Variants in KCNK2 observed in about 807,000 individuals in gnomAD.
KCNK2 encodes the protein potassium channel subfamily K member 2.
A neutral mutation model predicts 40.5 loss-of-function variants in KCNK2; 21 were observed. The ratio of observed to expected loss-of-function variants is 0.52; its 90% CI spans 0.37 to 0.75. The LOEUF (loss-of-function observed/expected upper bound fraction) is 0.75, where lower values mean the gene tolerates loss of function less well. Ranked by LOEUF, KCNK2 falls within the 30% of genes least tolerant of loss-of-function variation. The probability of loss-of-function intolerance (pLI) is 0.00; values close to 1 mark genes in which losing one functional copy is unlikely to be tolerated. For synonymous variants in KCNK2, 191 were observed against 202.2 expected (o/e 0.94, Z 0.47); for missense variants, 399 against 531.6 (o/e 0.75, Z 2.45).
rs896207183 is a variant in KCNK2 at position 215,236,151 on chromosome 1, A to G, written c.*1006A>G. The G allele has an allele frequency of 6.6e-6, 1 of 152,402 alleles. No individual in the cohort carries two copies. The highest frequency in any genetic ancestry group is 6.6e-5 in the Admixed American group (1 of 15,264). The allele number at this position is 152,402 out of a possible 1,614,324, so 9.4% of individuals were successfully genotyped here. On this transcript the variant is annotated 3_prime_UTR_variant, in exon 7 of 7. Coordinates refer to ENST00000444842, the MANE Select transcript of KCNK2 (RefSeq NM_001017425.3). ...AAATGGATATTATTGGAGGGGATTTAAAACAGTGGGTGTGAATTATCATTC... is the reference window on the plus strand; with the variant it reads ...AAATGGATATTATTGGAGGGGATTTGAAACAGTGGGTGTGAATTATCATTC...
At chr1:215,210,017 TA>T (rs1447680339) in intron 6 of KCNK2, among the ~76,000 whole-genome samples, 20 of 28,680 alleles carry the variant, frequency 7.0e-4, no homozygotes, top group East Asian at 4.2e-3. Context: ...ATATAATATA[TA>T]ATATATATTA....
chr1:215,202,621 A>G (rs148336352), intron 6 of KCNK2, among the ~76,000 whole-genome samples: 5 of 152,308 alleles, frequency 3.3e-5, no homozygotes, highest in African/African-American at 1.2e-4. Context: ...GGAAGGCCTT[A>G]ATAAGTCAAA....
intron 6 of KCNK2, among the ~76,000 whole-genome samples, chr1:215,225,946 A>C (rs1274644338): frequency 6.6e-6 from 1 of 152,208 alleles, no homozygotes; most frequent in Non-Finnish European, 1.5e-5. Flanking sequence ...AAATGAGCTT[A>C]CTGTAAATTT....
chr1:215,107,211 T>C (rs1660473008), intron 2 of KCNK2, among the ~76,000 whole-genome samples: 1 of 151,990 alleles, frequency 6.6e-6, no homozygotes, highest in Non-Finnish European at 1.5e-5. Context: ...ATTATTTCAA[T>C]CTATGAGCAT....
intron 3 of KCNK2, among the ~76,000 whole-genome samples, chr1:215,164,150 C>T (rs1261367620): frequency 6.6e-6 from 1 of 152,068 alleles, no homozygotes; most frequent in Non-Finnish European, 1.5e-5. Context: ...AGTCTTGGGA[C>T]AGTGTCTGTG....
intron 5 of KCNK2, among the ~76,000 whole-genome samples, chr1:215,181,648 T>C (rs774044608): frequency 1.3e-5 from 2 of 152,218 alleles, no homozygotes; most frequent in Non-Finnish European, 2.9e-5. Context: ...TTTGCTGCTA[T>C]AGCCCTATGT....
At position 215,082,924 on chromosome 1, in the gene KCNK2, G is replaced by T. The variant is rs1000848653; in HGVS notation, c.-462G>T. ...CGCGCACAAAGACGCCGGGGCGCACGGCAGCTGGGGCTGCACCCACCGCCC... is the reference window on the plus strand; with the variant it reads ...CGCGCACAAAGACGCCGGGGCGCACTGCAGCTGGGGCTGCACCCACCGCCC... On this transcript the variant is annotated 5_prime_UTR_variant, in exon 1 of 7. Transcript: ENST00000444842. 1.0e-4 allele frequency among the ~76,000 whole-genome samples: 15 copies of T among 150,648 alleles called. No individual in the cohort carries two copies. Among genetic ancestry groups the T allele is most frequent in the African/African-American group, 3.1e-4 (13 of 41,304 alleles).
intron 1 of KCNK2, among the ~76,000 whole-genome samples, chr1:215,077,280 G>T (rs181904427): frequency 6.6e-6 from 1 of 152,288 alleles, no homozygotes; most frequent in East Asian, 1.9e-4. Flanking sequence ...TTTCATCGAA[G>T]TACTGCCTAA....
chr1:215,141,026 A>T lies in KCNK2; in HGVS notation c.475+16276A>T, dbSNP rs114360984. 7.3e-3 allele frequency among the ~76,000 whole-genome samples: 1,099 copies of T among 150,530 alleles called. 5 individuals carry two copies. The highest frequency in any genetic ancestry group is 0.011 in the Non-Finnish European group (770 of 67,428). ...TTTTCAATATTTTTGTTAAAAGCCA[A>T]GACACAAACACACACACTAGCCTAG... On this transcript the variant is annotated intron_variant, in intron 3 of 6. Transcript: ENST00000444842.
chr1:215,152,318 T>C (rs1293276778), intron 3 of KCNK2, among the ~76,000 whole-genome samples: 2 of 152,106 alleles, frequency 1.3e-5, no homozygotes, highest in Non-Finnish European at 2.9e-5. Flanking sequence ...GCACCACAAC[T>C]GATAGTAGAG....
intron 1 of KCNK2, among the ~76,000 whole-genome samples, chr1:215,026,806 G>A (rs1348173048): frequency 6.6e-6 from 1 of 152,024 alleles, no homozygotes; most frequent in Non-Finnish European, 1.5e-5. Context: ...TATTGAGAAT[G>A]ACATCATGTG....
At chr1:215,176,210 C>T (rs1459755914) in intron 5 of KCNK2, among the ~76,000 whole-genome samples, 4 of 152,074 alleles carry the variant, frequency 2.6e-5, no homozygotes, top group East Asian at 1.9e-4. Flanking sequence ...GATGATATCT[C>T]ATTGTGGTTT....
intron 6 of KCNK2, among the ~76,000 whole-genome samples, chr1:215,197,560 CT>C (rs1664916583): frequency 6.6e-6 from 1 of 152,134 alleles, no homozygotes; most frequent in Non-Finnish European, 1.5e-5. Flanking sequence ...CTCATTGAAC[CT>C]TAATTACCTT....
At position 215,207,000 on chromosome 1, in the gene KCNK2, C is replaced by A. The variant is rs372371463; in HGVS notation, c.963+11908C>A. Among the ~76,000 whole-genome samples the A allele has an allele frequency of 1.7e-4, 26 of 152,286 alleles. No homozygotes were observed. In the East Asian group the frequency reaches 5.0e-3, roughly 29 times the overall value. On this transcript the variant is annotated intron_variant, in intron 6 of 6. Transcript: ENST00000444842. ...TTCACTTCTCAATACTTATAGGGCT[C>A]TGCTTACCGCTCCAGACAAATTCAT...
At chr1:215,095,239 G>A (rs564571499) in intron 2 of KCNK2, among the ~76,000 whole-genome samples, 5 of 152,124 alleles carry the variant, frequency 3.3e-5, no homozygotes, top group African/African-American at 4.8e-5. Flanking sequence ...CAGATGAAGC[G>A]CCTTGCAGTT....
chr1:215,077,009 C>A (rs185260948), intron 1 of KCNK2, among the ~76,000 whole-genome samples: 1 of 152,316 alleles, frequency 6.6e-6, no homozygotes, highest in Admixed American at 6.5e-5. Context: ...TATTGCTTCA[C>A]TCTCAGGCAG....
intron 2 of KCNK2, among the ~76,000 whole-genome samples, chr1:215,123,755 G>T (rs1661297584): frequency 6.6e-6 from 1 of 152,066 alleles, no homozygotes; most frequent in Non-Finnish European, 1.5e-5. Context: ...AAGTAGTAAA[G>T]ATCTCCAAAG....
chr1:215,026,203 GTTTC>G (rs1656993820), intron 1 of KCNK2, among the ~76,000 whole-genome samples: 1 of 151,842 alleles, frequency 6.6e-6, no homozygotes, highest in Non-Finnish European at 1.5e-5. Context: ...GTGGTTGTTT[GTTTC>G]TTATCAATTT....
intron 6 of KCNK2, among the ~76,000 whole-genome samples, chr1:215,228,693 A>T (rs1224469324): frequency 1.3e-5 from 2 of 152,176 alleles, no homozygotes; most frequent in East Asian, 3.9e-4. Context: ...AATATTTTTT[A>T]TAAAAATCTG....
Sources: allele counts gnomAD v4.1 joint callset (sites outside exome capture counted in the v4.1 genomes callset), GRCh38; gene constraint gnomAD v4.1.1; transcripts MANE v1.5; gene names NCBI Gene and HGNC (gene_info 2026-07-23, HGNC 2026-07-21).